The following SNTG1 variants were observed in gnomAD, a reference collection of about 807,000 sequenced individuals.
SNTG1 encodes the protein gamma-1-syntrophin.
Under a neutral mutation model 74.7 loss-of-function variants are expected in SNTG1, and 39 were observed. That is an observed-to-expected ratio of 0.52 (90% confidence interval 0.40 to 0.68). SNTG1 has a LOEUF of 0.68. Among genes scored for constraint, SNTG1 ranks in the 30% least tolerant of loss-of-function variants. SNTG1 has a pLI of 0.00. For missense variants in SNTG1, 685 were observed against 609.5 expected (o/e 1.12, Z -1.30); for synonymous variants, 254 against 217.1 (o/e 1.17, Z -1.49).
intron 1 of SNTG1, among the ~76,000 whole-genome samples, chr8:50,057,698 C>T (rs2130916251): frequency 6.6e-6 from 1 of 152,208 alleles, no homozygotes. Context: ...AAGCTTCTTC[C>T]TCCTCTGTCT....
chr8:50,395,747 G>A (rs953447095), intron 3 of SNTG1, among the ~76,000 whole-genome samples: 5 of 152,010 alleles, frequency 3.3e-5, no homozygotes, highest in South Asian at 4.2e-4. Flanking sequence ...TCCTGACCTC[G>A]TGATCCACCC....
intron 17 of SNTG1, among the ~76,000 whole-genome samples, chr8:50,723,222 T>G (rs1293908403): frequency 2.6e-5 from 4 of 152,204 alleles, no homozygotes; most frequent in African/African-American, 4.8e-5. Flanking sequence ...ATAAAGGTTT[T>G]GGGTCAAATT....
At chr8:50,579,955 G>A (rs1302767576) in intron 12 of SNTG1, among the ~76,000 whole-genome samples, 1 of 152,186 alleles carries the variant, frequency 6.6e-6, no homozygotes, top group Non-Finnish European at 1.5e-5. Context: ...CCCCATAATG[G>A]TAGAACTACT....
chr8:50,506,655 T>A (rs1007056054), intron 9 of SNTG1, among the ~76,000 whole-genome samples: 2 of 152,064 alleles, frequency 1.3e-5, no homozygotes, highest in Non-Finnish European at 1.5e-5. Context: ...ATTTTTATGT[T>A]GTCTATTCTG....
intron 1 of SNTG1, among the ~76,000 whole-genome samples, chr8:49,937,838 C>A (rs759601043): frequency 2.0e-5 from 3 of 152,112 alleles, no homozygotes; most frequent in Non-Finnish European, 2.9e-5. Flanking sequence ...GTTTTCTTTT[C>A]TTTCTCCTTT....
chr8:50,112,685 G>A (rs2080646269), intron 1 of SNTG1, among the ~76,000 whole-genome samples: 1 of 151,758 alleles, frequency 6.6e-6, no homozygotes, highest in Admixed American at 6.6e-5. Flanking sequence ...ACCACACTTG[G>A]CTAATTTTTG....
chr8:50,526,470 T>C (rs372905961), intron 9 of SNTG1, among the ~76,000 whole-genome samples: 2 of 152,130 alleles, frequency 1.3e-5, no homozygotes, highest in East Asian at 3.9e-4. Flanking sequence ...CTGTGACTTA[T>C]TAACTAGTTT....
At chr8:50,138,965 AAAGTTT>A (rs1278444377) in intron 1 of SNTG1, among the ~76,000 whole-genome samples, 3 of 152,062 alleles carry the variant, frequency 2.0e-5, no homozygotes, top group African/African-American at 7.2e-5. Context: ...CTAAAGTCTA[AAAGTTT>A]AGAAATAACA....
Position 50,793,698 on chromosome 8 carries a change from G to A in SNTG1, c.*869G>A, listed in dbSNP as rs2095697544. On this transcript the variant is annotated 3_prime_UTR_variant, in exon 19 of 19. Transcript: ENST00000642720. ...CAGTGAACCCAAAACCTTTTGTAGA[G>A]AAAATAATATAAACAAATATGGTGT... is the stretch of plus-strand genomic sequence containing the variant. 6.6e-6 allele frequency: 1 copy of A among 151,706 alleles called. No individual in the cohort carries two copies. Among genetic ancestry groups the A allele is most frequent in the Non-Finnish European group, 1.5e-5 (1 of 67,846 alleles). 9.4% of individuals were successfully genotyped at this position (151,706 alleles called of 1,614,324 possible).
intron 1 of SNTG1, among the ~76,000 whole-genome samples, chr8:50,017,903 G>GA (rs1265396479): frequency 6.6e-6 from 1 of 152,000 alleles, no homozygotes; most frequent in African/African-American, 2.4e-5. Flanking sequence ...ACAACACTAT[G>GA]AAAAAAGGTC....
chr8:50,013,755 A>G (rs1364031880), intron 1 of SNTG1, among the ~76,000 whole-genome samples: 1 of 152,144 alleles, frequency 6.6e-6, no homozygotes, highest in Non-Finnish European at 1.5e-5. Context: ...ATAAAACTTC[A>G]CATATATTTA....
intron 18 of SNTG1, among the ~76,000 whole-genome samples, chr8:50,783,499 G>A (rs979454658): frequency 1.3e-5 from 2 of 152,222 alleles, no homozygotes; most frequent in Admixed American, 6.5e-5. Context: ...GACCCTCCGA[G>A]CCATGTGCAG....
intron 12 of SNTG1, among the ~76,000 whole-genome samples, chr8:50,561,379 A>G (rs1019545832): frequency 3.9e-5 from 6 of 152,142 alleles, no homozygotes; most frequent in African/African-American, 7.2e-5. Context: ...AAAACAGACT[A>G]AAACAGTTAA....
In SNTG1 at chr8:50,115,576, A is replaced by AAAAAAAACAAAAAAAAAAAAC. The variant is rs1554580682; in HGVS notation, c.-102-56978_-102-56977insCAAAAAAAAAAAACAAAAAAA. Among the ~76,000 whole-genome samples, 144 of 82,900 alleles carry AAAAAAAACAAAAAAAAAAAAC rather than the reference A, an allele frequency of 1.7e-3. 25 individuals carry two copies. The highest frequency in any genetic ancestry group is 2.8e-3 in the Non-Finnish European group (104 of 37,124). 54.4% of individuals were successfully genotyped at this position (82,900 alleles called of 152,430 possible). A position where few individuals can be genotyped will look rare whatever the true frequency, so the allele number is the denominator to read the frequency against. On this transcript the variant is annotated intron_variant, in intron 1 of 18. Coordinates refer to ENST00000642720, the MANE Select transcript of SNTG1 (RefSeq NM_018967.5). The stretch of plus-strand genomic sequence containing the variant: ...GAGCGAGACTCTGTCTCAAAAAAAA[A>AAAAAAAACAAAAAAAAAAAAC]AAAAAAAAAAACGAGATGGTTGAAG...
intron 2 of SNTG1, among the ~76,000 whole-genome samples, chr8:50,306,484 T>C (rs2089901626): frequency 6.6e-6 from 1 of 152,104 alleles, no homozygotes; most frequent in South Asian, 2.1e-4. Context: ...CTATTTTCCA[T>C]AGAGGTTGTA....
At chr8:49,968,273 A>C (rs1430063375) in intron 1 of SNTG1, among the ~76,000 whole-genome samples, 1 of 152,168 alleles carries the variant, frequency 6.6e-6, no homozygotes, top group Non-Finnish European at 1.5e-5. Context: ...GTACTTACCA[A>C]AACACAATAT....
intron 1 of SNTG1, among the ~76,000 whole-genome samples, chr8:50,056,148 T>C (rs1357624763): frequency 6.6e-6 from 1 of 152,136 alleles, no homozygotes; most frequent in African/African-American, 2.4e-5. Context: ...CATGACCTTC[T>C]TGTTTCCCCG....
At chr8:50,078,451 T>G (rs1822103113) in intron 1 of SNTG1, among the ~76,000 whole-genome samples, 1 of 152,226 alleles carries the variant, frequency 6.6e-6, no homozygotes, top group Admixed American at 6.5e-5. Context: ...GTTTGGTACA[T>G]TTCAGTATAT....
In SNTG1 at chr8:50,708,955, A is replaced by G. The variant is rs1308432727; in HGVS notation, c.1261A>G (p.Ile421Val). The G allele has an allele frequency of 6.2e-7, 1 of 1,613,758 alleles. No homozygotes were observed. Among genetic ancestry groups the G allele is most frequent in the South Asian group, 1.1e-5 (1 of 91,074 alleles). Reference sequence around the variant, plus strand: ...CACAATTGATTTCAGCACAGGATTTATCTGCTTTGATGCTGCAACAAAGGT... The same window carrying G: ...CACAATTGATTTCAGCACAGGATTTGTCTGCTTTGATGCTGCAACAAAGGT... ...GLTIDFSTGF[I>V]CFDAATKAVL... Residue 421 changes from isoleucine to valine, a missense_variant, in exon 17 of 19, where the codon ATC becomes GTC. Transcript: ENST00000642720.
Sources: gnomAD v4.1 joint callset for allele counts (sites outside exome capture counted in the v4.1 genomes callset) on GRCh38, gnomAD v4.1.1 for gene constraint, MANE v1.5 for transcripts, NCBI Gene and HGNC (gene_info 2026-07-23, HGNC 2026-07-21) for gene names.